Variants in GLB1L2 observed in about 807,000 individuals in gnomAD.
The protein encoded by GLB1L2 is galactosidase beta 1 like 2.
In GLB1L2, 68 loss-of-function variants were observed where a neutral mutation model predicts 84.1. The ratio of observed to expected loss-of-function variants is 0.81; its 90% CI spans 0.67 to 0.99. GLB1L2 has a LOEUF of 0.99. GLB1L2 is among the 50% of genes least tolerant of loss of function. The probability of loss-of-function intolerance (pLI) is 0.00; values close to 1 mark genes in which losing one functional copy is unlikely to be tolerated. For synonymous variants in GLB1L2, 290 were observed against 318.0 expected (o/e 0.91, Z 0.94); for missense variants, 762 against 805.6 (o/e 0.95, Z 0.66).
intron 5 of GLB1L2, among the ~76,000 whole-genome samples, chr11:134,347,765 T>C (rs545266194): frequency 6.6e-6 from 1 of 152,134 alleles, no homozygotes; most frequent in South Asian, 2.1e-4. Flanking sequence ...GAGACAGGGA[T>C]GAGGTGATAG....
chr11:134,369,141 A>G (rs558265820), intron 10 of GLB1L2, among the ~76,000 whole-genome samples: 1 of 152,302 alleles, frequency 6.6e-6, no homozygotes, highest in South Asian at 2.1e-4. Context: ...CAGAAAGTAG[A>G]AATTACACCT....
Position 134,334,321 on chromosome 11 carries a change from T to C in GLB1L2, c.86+2174T>C, listed in dbSNP as rs1943349005. On this transcript the variant is annotated intron_variant, in intron 1 of 18. Coordinates refer to ENST00000535456, the MANE Select transcript of GLB1L2 (RefSeq NM_001370461.1). This position sits in a 1 kb window ranked among gnomAD's most constrained non-coding sequence, Gnocchi z 4.1. ...GTGGCTGGCATGGGCTGGGGGATGTTTGGCTATAGCTTTTCTTTTTTTTCA... is the reference window on the plus strand; with the variant it reads ...GTGGCTGGCATGGGCTGGGGGATGTCTGGCTATAGCTTTTCTTTTTTTTCA... Among the ~76,000 whole-genome samples the C allele has an allele frequency of 1.3e-5, 2 of 152,180 alleles. No homozygotes were observed.
chr11:134,373,867 C>A, intron 16 of GLB1L2, 59 bp downstream of exon 16: 1 of 1,224,666 alleles, frequency 8.2e-7, no homozygotes, highest in Non-Finnish European at 1.2e-6. Flanking sequence ...TGTGGTGGGG[C>A]CCAGGGGTCC....
At position 134,371,794 on chromosome 11, in the gene GLB1L2, G is replaced by C. The variant is rs1343623486; in HGVS notation, c.1471G>C (p.Val491Leu). ...GATCTTGGTGGAGAATCGTGGGCGA[G>C]TCAACTATGGGGAGAATATTGATGA... Reference protein sequence around the residue: ...LRILVENRGRVNYGENIDDQR... With the variant: ...LRILVENRGRLNYGENIDDQR... The change falls in exon 15 of 19, where the codon GTC becomes CTC. Residue 491 changes from valine (V) to leucine (L), a missense_variant. By Grantham distance (32) the Val-to-Leu change is conservative (BLOSUM62 1). This residue lies in a region of GLB1L2 where 603 missense variants were observed against 611.7 expected (regional missense o/e 0.99). Coordinates refer to ENST00000535456, the MANE Select transcript of GLB1L2 (RefSeq NM_001370461.1). 8.1e-6 allele frequency: 13 copies of C among 1,614,056 alleles called. No individual in the cohort carries two copies. The highest frequency in any genetic ancestry group is 1.3e-5 in the African/African-American group (1 of 74,924).
chr11:134,357,892 G>A (rs1287491486), intron 6 of GLB1L2, among the ~76,000 whole-genome samples: 2 of 152,230 alleles, frequency 1.3e-5, no homozygotes, highest in Non-Finnish European at 2.9e-5. Context: ...GTCGGTAAAT[G>A]AATGCCCAGG....
chr11:134,347,189 G>A, intron 4 of GLB1L2, 136 bp from the exon 5 acceptor site: 2 of 718,470 alleles, frequency 2.8e-6, no homozygotes, highest in Non-Finnish European at 2.6e-6. Flanking sequence ...CCCACTTCTG[G>A]GCTCAGTGGG....
rs552821397 is a variant in GLB1L2, at chr11:134,367,298, G to A, written c.846G>A (p.Trp282Ter). ...PKMVMEYWTGWFDSWGGPHNI... is the reference protein window; with the variant it reads ...PKMVMEYWTG The stretch of plus-strand genomic sequence containing the variant: ...TGGTGATGGAGTACTGGACGGGGTG[G>A]TTTGACTCGTGGGGAGGCCCTCACA... Residue 282 changes from tryptophan (W) to a stop codon, truncating the protein, a stop_gained, in exon 9 of 19, where the codon TGG (tryptophan) becomes TGA (stop). Transcript: ENST00000535456. LOFTEE classifies it high-confidence loss of function. 2 of 1,614,176 alleles carry A rather than the reference G, an allele frequency of 1.2e-6. No homozygotes were observed. Among genetic ancestry groups the A allele is most frequent in the African/African-American group, 2.7e-5 (2 of 75,056 alleles).
At chr11:134,373,511 C>A (rs111745352) in intron 15 of GLB1L2, among the ~76,000 whole-genome samples, 1 of 152,190 alleles carries the variant, frequency 6.6e-6, no homozygotes, top group African/African-American at 2.4e-5. Flanking sequence ...TCCTCCTTCC[C>A]GTCCCCCACA....
In GLB1L2 at chr11:134,375,127, C is replaced by A; in HGVS notation, c.*69C>A. 1.6e-6 allele frequency: 2 copies of A among 1,264,918 alleles called. No individual in the cohort carries two copies. Among genetic ancestry groups the A allele is most frequent in the Non-Finnish European group, 2.3e-6 (2 of 882,720 alleles). 78.4% of individuals were successfully genotyped at this position (1,264,918 alleles called of 1,614,324 possible). A position where few individuals can be genotyped will look rare whatever the true frequency, so the allele number is the denominator to read the frequency against. ...CTCCTCTTGACCTGAAGCCTGGTGG[C>A]TGCTGCCCCACCCCTCACTGCAAAA... On this transcript the variant is annotated 3_prime_UTR_variant, in exon 19 of 19. Coordinates refer to ENST00000535456, the MANE Select transcript of GLB1L2 (RefSeq NM_001370461.1).
intron 1 of GLB1L2, among the ~76,000 whole-genome samples, chr11:134,340,595 C>T (rs968177137): frequency 1.3e-5 from 2 of 152,222 alleles, no homozygotes; most frequent in Non-Finnish European, 2.9e-5. Flanking sequence ...CAAAAGAAGG[C>T]CCGGACGGTG....
At position 134,371,792 on chromosome 11, in the gene GLB1L2, G is replaced by C; in HGVS notation, c.1469G>C (p.Arg490Pro). ...AGGATCTTGGTGGAGAATCGTGGGC[G>C]AGTCAACTATGGGGAGAATATTGAT... ...VLRILVENRG[R>P]VNYGENIDDQ... The change falls in exon 15 of 19, where the codon CGA becomes CCA. Residue 490 changes from arginine (R) to proline (P), a missense_variant. Arg to Pro is a moderately radical substitution (Grantham distance 103). Around this residue, in one of 3 missense-constraint regions of GLB1L2, gnomAD observed 603 missense variants for 611.7 expected, o/e 0.99. Coordinates refer to ENST00000535456, the MANE Select transcript of GLB1L2 (RefSeq NM_001370461.1). 1 of 1,614,162 alleles carries C rather than the reference G, an allele frequency of 6.2e-7. No homozygotes were observed. The highest frequency in any genetic ancestry group is 1.1e-5 in the South Asian group (1 of 91,066).
At chr11:134,361,162 A>G (rs940292266) in intron 7 of GLB1L2, 1 of 140,692 alleles carries the variant, frequency 7.1e-6, no homozygotes, top group Non-Finnish European at 1.5e-5. Flanking sequence ...AAAAAAAAAC[A>G]AAAAACAAAA....
Position 134,347,363 on chromosome 11 carries a change from C to T in GLB1L2, c.488C>T (p.Thr163Ile), listed in dbSNP as rs1236475736. 9 of 1,614,076 alleles carry T rather than the reference C, an allele frequency of 5.6e-6. No homozygotes were observed. The highest frequency in any genetic ancestry group is 6.8e-6 in the Non-Finnish European group (8 of 1,180,010). The change falls in exon 5 of 19, where the codon ACT (threonine) becomes ATT (isoleucine). Residue 163 changes from threonine (T) to isoleucine (I), a missense_variant. This residue lies in a region of GLB1L2 where 603 missense variants were observed against 611.7 expected (regional missense o/e 0.99). Transcript: ENST00000535456. ...LQDPGMRLRTTYKGFTEAVDL... is the reference protein window; with the variant it reads ...LQDPGMRLRTIYKGFTEAVDL... Reference sequence around the variant, plus strand: ...GACCCTGGCATGAGGCTGAGGACAACTTACAAGGGCTTCACCGAAGCAGTG... The same window carrying T: ...GACCCTGGCATGAGGCTGAGGACAATTTACAAGGGCTTCACCGAAGCAGTG...
Position 134,345,159 on chromosome 11 carries a change from C to T in GLB1L2, c.449+30C>T. 1.9e-6 allele frequency: 3 copies of T among 1,562,488 alleles called. No individual in the cohort carries two copies. In the Admixed American group the frequency reaches 5.6e-5, roughly 29 times the overall value. ...GCGGGGTTGTGAAGGGTCCTGTGTG[C>T]TGTGGCAAAAAGCTCACAGACATAG... On this transcript the variant is annotated intron_variant, in intron 4 of 18. Transcript: ENST00000535456.
At chr11:134,341,273 A>G (rs1943457462) in intron 1 of GLB1L2, among the ~76,000 whole-genome samples, 1 of 152,196 alleles carries the variant, frequency 6.6e-6, no homozygotes, top group African/African-American at 2.4e-5. Context: ...AGAGTGTTGC[A>G]TTTCTCCGGG....
intron 8 of GLB1L2, chr11:134,364,742 A>G (rs1656449250): frequency 4.1e-6 from 1 of 243,774 alleles, no homozygotes; most frequent in Non-Finnish European, 7.9e-6. Context: ...CCTATACTAC[A>G]CAGGCATCCG....
At position 134,371,141 on chromosome 11, in the gene GLB1L2, G is replaced by A. The variant is rs761240157; in HGVS notation, c.1349G>A (p.Arg450Gln). 1.7e-5 allele frequency: 28 copies of A among 1,614,022 alleles called. No homozygotes were observed. The highest frequency in any genetic ancestry group is 4.5e-5 in the East Asian group (2 of 44,894). Residue 450 changes from arginine (R) to glutamine (Q), a missense_variant, in exon 13 of 19, where the codon CGG becomes CAG. Around this residue, in one of 3 missense-constraint regions of GLB1L2, gnomAD observed 603 missense variants for 611.7 expected, o/e 0.99. Transcript: ENST00000535456. ...SGILSGHVHD[R>Q]GQVFVNTVSI... Reference sequence around the variant, plus strand: ...ATCCTCAGTGGCCACGTGCATGATCGGGGGCAGGTAGGAGCTTCTCTTCTA... The same window carrying A: ...ATCCTCAGTGGCCACGTGCATGATCAGGGGCAGGTAGGAGCTTCTCTTCTA...
intron 10 of GLB1L2, among the ~76,000 whole-genome samples, chr11:134,369,604 T>C (rs560811036): frequency 6.6e-6 from 1 of 152,376 alleles, no homozygotes; most frequent in South Asian, 2.1e-4. Context: ...TGTGAGCCGC[T>C]GCACCTGGCC....
At chr11:134,341,716 C>T (rs1943464830) in intron 1 of GLB1L2, among the ~76,000 whole-genome samples, 1 of 152,190 alleles carries the variant, frequency 6.6e-6, no homozygotes, top group Non-Finnish European at 1.5e-5. Flanking sequence ...AGAGTGGCCC[C>T]AGACAAAATT....
Sources: allele counts gnomAD v4.1 joint callset (sites outside exome capture counted in the v4.1 genomes callset), GRCh38; gene constraint gnomAD v4.1.1; regional missense constraint gnomAD v4.1.1; non-coding constraint Gnocchi (gnomAD v3.1); transcripts MANE v1.5; gene names NCBI Gene and HGNC (gene_info 2026-07-23, HGNC 2026-07-21).